CSF2RA: variants seen among roughly 807,000 people sequenced by gnomAD.
CSF2RA encodes granulocyte-macrophage colony-stimulating factor receptor subunit alpha.
Under a neutral mutation model 51.6 loss-of-function variants are expected in CSF2RA, and 42 were observed. The observed-to-expected ratio is 0.81, with a 90% CI of 0.64 to 1.05. The LOEUF is 1.05. Among genes scored for constraint, CSF2RA ranks in the 50% least tolerant of loss-of-function variants. The probability of loss-of-function intolerance (pLI) is 0.00; values close to 1 mark genes in which losing one functional copy is unlikely to be tolerated. For synonymous variants in CSF2RA, 222 were observed against 193.0 expected (o/e 1.15, Z -1.24); for missense variants, 530 against 501.1 (o/e 1.06, Z -0.55).
At chrX:1,319,019 T>C in the CSF2RA span, among the ~76,000 whole-genome samples, 25 of 137,770 alleles carry the variant, frequency 1.8e-4, 1 homozygote, top group South Asian at 6.2e-3. Flanking sequence ...TTTTTGAGAC[T>C]GAGTCTTGGT....
Position 1,303,458 on chromosome X carries a change from T to A in CSF2RA, c.947-465T>A. 1.4e-5 allele frequency: 6 copies of A among 438,928 alleles called. No homozygotes were observed. The South Asian group carries it at 2.7e-4, about 20-fold the overall frequency. The allele number at this position is 438,928 out of a possible 1,614,324, so 27.2% of individuals were successfully genotyped here. ...TTTCACCATGTTAGTGAGGCTTGTC[T>A]CGAACTCCTGACCTCAGATGATGCG... On this transcript the variant is annotated intron_variant, in intron 10 of 12. Transcript: ENST00000381529.
At chrX:1,276,169 T>TTTTGTTTG (rs761009311) in intron 2 of CSF2RA, among the ~76,000 whole-genome samples, 8 of 146,054 alleles carry the variant, frequency 5.5e-5, no homozygotes, top group African/African-American at 2.0e-4. Flanking sequence ...CCTGGCTAAA[T>TTTTGTTTG]TTTGTTTGTT....
At chrX:1,301,033 A>G (rs1352998632) in intron 10 of CSF2RA, among the ~76,000 whole-genome samples, 1 of 151,616 alleles carries the variant, frequency 6.6e-6, no homozygotes, top group East Asian at 1.9e-4. Flanking sequence ...GGTGCCTGTA[A>G]TCCCAGCTAC....
chrX:1,280,853 T>A (rs112286676), intron 2 of CSF2RA, among the ~76,000 whole-genome samples: 2 of 76,700 alleles, frequency 2.6e-5, no homozygotes, highest in Non-Finnish European at 5.8e-5. Flanking sequence ...TTCCTCTCCT[T>A]CTCCTCCTCC....
rs181469243 is a variant in CSF2RA at position 1,282,485 on chromosome X, G to A, written c.-26-193G>A. ...ATCTTGAGATGCCAAAGATGTCCAC[G>A]TCCTAATCCCATGTGGGAGACAGAA... On this transcript the variant is annotated intron_variant, in intron 2 of 12. Coordinates refer to ENST00000381529, the MANE Select transcript of CSF2RA (RefSeq NM_172245.4). 0.014 allele frequency: 8,734 copies of A among 635,396 alleles called. 547 individuals are homozygous for A. The African/African-American group carries it at 0.14, about 10-fold the overall frequency. The allele number at this position is 635,396 out of a possible 1,614,324, so 39.4% of individuals were successfully genotyped here.
At chrX:1,284,196 T>TCTC (rs201041623) in intron 3 of CSF2RA, among the ~76,000 whole-genome samples, 1 of 17,138 alleles carries the variant, frequency 5.8e-5, no homozygotes, top group African/African-American at 1.2e-4. Flanking sequence ...TCTGTCTCTC[T>TCTC]TTTTTTTTTT....
intron 8 of CSF2RA, among the ~76,000 whole-genome samples, chrX:1,295,059 C>CAGTGTAGA (rs2091806839): frequency 2.1e-4 from 12 of 56,214 alleles, no homozygotes; most frequent in East Asian, 4.0e-4. Context: ...AGACCCTGCC[C>CAGTGTAGA]CATGTCCACC....
At chrX:1,318,576 GA>G in the CSF2RA span, among the ~76,000 whole-genome samples, 13 of 151,798 alleles carry the variant, frequency 8.6e-5, no homozygotes, top group African/African-American at 3.1e-4. Flanking sequence ...CCTCCTGAGA[GA>G]AAGGATAGAA....
rs1329295237 is a variant in CSF2RA, at chrX:1,277,976, C to CAAAA, written c.-27+3172_-27+3175dup. ...TGGGCAACAGAATGAGACTCAGTCT[C>CAAAA]AAAAAAAAAAAAAAAAATTTCAGGG... On this transcript the variant is annotated intron_variant, in intron 2 of 12. Coordinates refer to ENST00000381529, the MANE Select transcript of CSF2RA (RefSeq NM_172245.4). Among the ~76,000 whole-genome samples, 649 of 105,042 alleles carry CAAAA rather than the reference C, an allele frequency of 6.2e-3. 8 individuals are homozygous for CAAAA. The highest frequency in any genetic ancestry group is 0.025 in the African/African-American group (628 of 25,100). 68.9% of individuals were successfully genotyped at this position (105,042 alleles called of 152,430 possible). A position where few individuals can be genotyped will look rare whatever the true frequency, so the allele number is the denominator to read the frequency against.
At chrX:1,273,996 A>G (rs1466494083) in intron 1 of CSF2RA, among the ~76,000 whole-genome samples, 3 of 152,020 alleles carry the variant, frequency 2.0e-5, no homozygotes. Flanking sequence ...CTTGCTTTGA[A>G]TCTGAGAAGG....
intron 10 of CSF2RA, among the ~76,000 whole-genome samples, chrX:1,303,515 C>T (rs2083227794): frequency 6.6e-6 from 1 of 152,126 alleles, no homozygotes; most frequent in Admixed American, 6.6e-5. Flanking sequence ...GCTGGGATGA[C>T]AGGTGTGAGC....
At chrX:1,322,439 G>GTTTTTTTTTTTTTTTT in the CSF2RA span, among the ~76,000 whole-genome samples, 1 of 120,690 alleles carries the variant, frequency 8.3e-6, no homozygotes, top group Non-Finnish European at 1.6e-5. Context: ...GTGTGTGTTT[G>GTTTTTTTTTTTTTTTT]TTTTTTTTTT....
At chrX:1,273,933 G>A (rs2088812815) in intron 1 of CSF2RA, among the ~76,000 whole-genome samples, 1 of 151,826 alleles carries the variant, frequency 6.6e-6, no homozygotes, top group African/African-American at 2.4e-5. Context: ...TTGTTATACC[G>A]TGGAGCCCTG....
At chrX:1,300,892 G>A (rs1352089486) in intron 10 of CSF2RA, among the ~76,000 whole-genome samples, 7 of 152,002 alleles carry the variant, frequency 4.6e-5, no homozygotes, top group Admixed American at 1.3e-4. Context: ...AGCGGTTCAC[G>A]CCTGTAATCC....
At chrX:1,306,879 CAGAA>C (rs1490020189) in intron 12 of CSF2RA, among the ~76,000 whole-genome samples, 2 of 141,062 alleles carry the variant, frequency 1.4e-5, no homozygotes, top group South Asian at 2.3e-4. Flanking sequence ...GAGAGAGAGA[CAGAA>C]AGAGACAGAG....
At chrX:1,301,125 C>G (rs2092338194) in intron 10 of CSF2RA, among the ~76,000 whole-genome samples, 2 of 150,592 alleles carry the variant, frequency 1.3e-5, no homozygotes, top group South Asian at 4.2e-4. Flanking sequence ...TGCACTCCAG[C>G]CTGGGTGACA....
chrX:1,284,630 A>C (rs1163454551), intron 3 of CSF2RA, among the ~76,000 whole-genome samples: 4 of 127,110 alleles, frequency 3.1e-5, no homozygotes, highest in East Asian at 2.3e-4. Flanking sequence ...TATAGACGAG[A>C]TCTTGCTATG....
At chrX:1,300,764 A>C in intron 10 of CSF2RA, 138 bp downstream of exon 10, 1 of 1,116,562 alleles carries the variant, frequency 9.0e-7, no homozygotes. Context: ...CTCTGAGCTT[A>C]TCGCTGAGGC....
At chrX:1,272,346 G>T in intron 1 of CSF2RA, among the ~76,000 whole-genome samples, 1 of 81,900 alleles carries the variant, frequency 1.2e-5, no homozygotes. Flanking sequence ...ACACCACATT[G>T]AGACTACAGA....
Sources: gnomAD v4.1 joint callset for allele counts (sites outside exome capture counted in the v4.1 genomes callset) on GRCh38, gnomAD v4.1.1 for gene constraint, MANE v1.5 for transcripts, NCBI Gene and HGNC (gene_info 2026-07-23, HGNC 2026-07-21) for gene names.